Variants in ZNF433 observed in about 807,000 individuals in gnomAD.
The protein encoded by ZNF433 is zinc finger protein 433.
In ZNF433, 12 loss-of-function variants were observed where a neutral mutation model predicts 10.6. The observed-to-expected ratio is 1.13, with a 90% confidence interval of 0.72 to 1.83. The LOEUF (loss-of-function observed/expected upper bound fraction) is 1.83. Ranked by LOEUF, ZNF433 falls within the 40% of genes most tolerant of loss-of-function variation. The probability of loss-of-function intolerance (pLI) is 0.00; values close to 1 mark genes in which losing one functional copy is unlikely to be tolerated. For synonymous variants in ZNF433, 272 were observed against 271.3 expected, an observed-to-expected ratio of 1.00 and a Z score of -0.02; for missense variants, 737 against 798.0, an observed-to-expected ratio of 0.92 and a Z score of 0.92.
At chr19:12,030,116 G>T in intron 1 of ZNF433, 1 of 381,122 alleles carries the variant, frequency 2.6e-6, no homozygotes, top group African/African-American at 2.3e-5. Context: ...ATAGCCATCT[G>T]CAAACCAGGA....
chr19:12,026,386 G>A lies in ZNF433; in HGVS notation c.4-8094C>T, dbSNP rs542999226. The A allele has an allele frequency of 2.3e-5, 7 of 300,792 alleles. No homozygotes were observed. In the Admixed American group the frequency reaches 3.4e-4, roughly 15 times the overall value. The allele number at this position is 300,792 out of a possible 1,614,324, so 18.6% of individuals were successfully genotyped here. ...GACAGATCAAGAAGCTGTCACAGATGGCAGAGAAAAACCTGAGAAAAGCGG... is the reference window on the plus strand; with the variant it reads ...GACAGATCAAGAAGCTGTCACAGATAGCAGAGAAAAACCTGAGAAAAGCGG... On this transcript the variant is annotated intron_variant, in intron 1 of 3. Coordinates refer to ENST00000550507, the MANE Select transcript of ZNF433 (RefSeq NM_001308348.2).
intron 1 of ZNF433, among the ~76,000 whole-genome samples, chr19:12,020,145 T>TGTGTG (rs1260476579): frequency 6.6e-6 from 1 of 151,956 alleles, no homozygotes; most frequent in African/African-American, 2.4e-5. Flanking sequence ...GATGGCACAT[T>TGTGTG]CCTGTAATCC....
chr19:12,018,426 C>T (rs767919041), intron 1 of ZNF433, 134 bp from the exon 2 acceptor site: 2 of 1,027,742 alleles, frequency 1.9e-6, no homozygotes, highest in Non-Finnish European at 2.6e-6. Context: ...ACCTCATACT[C>T]TCTGTCTACA....
At chr19:12,030,133 CTCTT>C (rs1261001263) in intron 1 of ZNF433, 1 of 422,260 alleles carries the variant, frequency 2.4e-6, no homozygotes, top group Admixed American at 2.8e-5. Context: ...AGGAAGCAGG[CTCTT>C]ACCAGGCACC....
At chr19:12,029,746 A>C (rs1974915549) in intron 1 of ZNF433, among the ~76,000 whole-genome samples, 1 of 151,832 alleles carries the variant, frequency 6.6e-6, no homozygotes, top group African/African-American at 2.4e-5. Flanking sequence ...TATGAGACAC[A>C]GGATAGCTTG....
intron 1 of ZNF433, among the ~76,000 whole-genome samples, chr19:12,029,912 T>C (rs904771448): frequency 1.3e-5 from 2 of 151,666 alleles, no homozygotes; most frequent in Non-Finnish European, 2.9e-5. Flanking sequence ...AAACCCTGCC[T>C]CTACTAAAGA....
chr19:12,015,643 G>C lies in ZNF433; in HGVS notation c.1215C>G (p.Ser405=), dbSNP rs763256332. 1.2e-6 allele frequency: 2 copies of C among 1,613,656 alleles called. No homozygotes were observed. Among genetic ancestry groups the C allele is most frequent in the South Asian group, 2.2e-5 (2 of 91,028 alleles). Residue 405 remains serine, a synonymous_variant, in exon 4 of 4, where the codon TCC becomes TCG. Transcript: ENST00000550507. ...QCGKAFNSSS[S]FRYHERTHTG... is the part of the protein sequence containing the mutation. ...TGTGAGTTCTTTCATGATATCGGAAGGAACTGGAAGAATTAAAGGCTTTAC... is the reference window on the plus strand; with the variant it reads ...TGTGAGTTCTTTCATGATATCGGAACGAACTGGAAGAATTAAAGGCTTTAC...
At chr19:12,018,123 T>C (rs1324890962) in intron 2 of ZNF433, 43 bp downstream of exon 2, 18 of 1,517,338 alleles carry the variant, frequency 1.2e-5, no homozygotes, top group African/African-American at 2.8e-5. Flanking sequence ...AAAAAAAAAC[T>C]TGTTGTCTCA....
chr19:12,015,955 G>A lies in ZNF433; in HGVS notation c.903C>T (p.His301=), dbSNP rs756562059. 1 of 1,614,002 alleles carries A rather than the reference G, an allele frequency of 6.2e-7. No homozygotes were observed. The highest frequency in any genetic ancestry group is 8.5e-7 in the Non-Finnish European group (1 of 1,179,924). Residue 301 remains histidine (H), a synonymous_variant, in exon 4 of 4, where the codon CAC becomes CAT. Coordinates refer to ENST00000550507, the MANE Select transcript of ZNF433 (RefSeq NM_001308348.2). ...SHSFQIHERT[H]TGEKPYECKE... ...TACATTCATATGGCTTCTCCCCCGT[G>A]TGAGTTCTTTCATGTATTTGAAAGG... is the stretch of plus-strand genomic sequence containing the variant.
chr19:12,027,496 G>A (rs1974797851), intron 1 of ZNF433, among the ~76,000 whole-genome samples: 1 of 152,212 alleles, frequency 6.6e-6, no homozygotes, highest in Non-Finnish European at 1.5e-5. Flanking sequence ...GCGGAAAACT[G>A]CTTAAAGGTG....
At chr19:12,021,930 C>T in intron 1 of ZNF433, 1 of 456,914 alleles carries the variant, frequency 2.2e-6, no homozygotes, top group Non-Finnish European at 4.4e-6. Flanking sequence ...TAGAGCTTAC[C>T]TCCTGCAGTG....
intron 1 of ZNF433, among the ~76,000 whole-genome samples, chr19:12,031,082 G>A (rs1180697183): frequency 6.6e-6 from 1 of 151,962 alleles, no homozygotes; most frequent in African/African-American, 2.4e-5. Flanking sequence ...CAGATCACGA[G>A]GTCAAGAGAT....
rs1004157324 is a variant in ZNF433 at position 12,014,971 on chromosome 19, GT to G, written c.1886del (p.Asn629ThrfsTer39). 9 of 1,612,812 alleles carry G rather than the reference GT, an allele frequency of 5.6e-6. No individual in the cohort carries two copies. Among genetic ancestry groups the G allele is most frequent in the Non-Finnish European group, 7.6e-6 (9 of 1,179,660 alleles). Reference protein sequence around the residue: ...QCGKAFGCPSNLRRHGRTHTG... With the variant: ...QCGKAFGCPSXLRRHGRTHTG... Reference sequence around the variant, plus strand: ...TGTGAGTCCTTCCATGCCTTCGAAGGTTTGAGGGACATCCAAAAGCTTTCCC... The same window carrying G: ...TGTGAGTCCTTCCATGCCTTCGAAGGTTGAGGGACATCCAAAAGCTTTCCC... On this transcript the variant is annotated frameshift_variant, in exon 4 of 4. Transcript: ENST00000550507. LOFTEE classifies it low-confidence loss of function (END_TRUNC).
At chr19:12,020,869 A>G (rs1599358652) in intron 1 of ZNF433, among the ~76,000 whole-genome samples, 2 of 149,216 alleles carry the variant, frequency 1.3e-5, no homozygotes, top group Non-Finnish European at 3.0e-5. Context: ...GCGCCATTGC[A>G]CTCCAGCCTG....
intron 1 of ZNF433, chr19:12,026,123 T>C (rs955612905): frequency 6.5e-6 from 1 of 153,654 alleles, no homozygotes; most frequent in African/African-American, 2.4e-5. Flanking sequence ...GGTGGAGAGA[T>C]CTGATAACAA....
chr19:12,031,306 AAAAAC>A (rs1568341911), intron 1 of ZNF433, among the ~76,000 whole-genome samples: 6 of 131,192 alleles, frequency 4.6e-5, no homozygotes, highest in Admixed American at 2.1e-4. Flanking sequence ...AAAAAAAAAA[AAAAAC>A]AAAACAAAAA....
At position 12,035,547 on chromosome 19, in the gene ZNF433, C is replaced by T. The variant is rs369618030; in HGVS notation, c.-8G>A. The T allele has an allele frequency of 6.9e-5, 108 of 1,572,450 alleles. No individual in the cohort carries two copies. The highest frequency in any genetic ancestry group is 8.9e-5 in the Non-Finnish European group (103 of 1,159,068). ...GGCCCGCACGCTCACCATTTCTTGCCTTTCAGGTGACTCCCACGACCAGTG... is the reference window on the plus strand; with the variant it reads ...GGCCCGCACGCTCACCATTTCTTGCTTTTCAGGTGACTCCCACGACCAGTG... On this transcript the variant is annotated 5_prime_UTR_variant, in exon 1 of 4. Transcript: ENST00000550507.
At chr19:12,026,091 A>G (rs1469273343) in intron 1 of ZNF433, 1 of 153,130 alleles carries the variant, frequency 6.5e-6, no homozygotes, top group East Asian at 1.9e-4. Flanking sequence ...AGCTGCAAAG[A>G]CAGAAGCAGA....
Position 12,015,792 on chromosome 19 carries a change from T to C in ZNF433, c.1066A>G (p.Met356Val). Residue 356 changes from methionine to valine, a missense_variant, in exon 4 of 4, where the codon ATG (methionine) becomes GTG (valine). Met to Val is a conservative substitution (Grantham distance 21, BLOSUM62 1). Coordinates refer to ENST00000550507, the MANE Select transcript of ZNF433 (RefSeq NM_001308348.2). ...YLTSFQNHLGMHTGEISHKCK... is the reference protein window; with the variant it reads ...YLTSFQNHLGVHTGEISHKCK... ...TTATGAGATATCTCTCCAGTGTGCA[T>C]TCCCAAGTGGTTTTGAAAGCTGGTA... 1.2e-6 allele frequency: 2 copies of C among 1,614,212 alleles called. No individual in the cohort carries two copies. The highest frequency in any genetic ancestry group is 1.1e-5 in the South Asian group (1 of 91,082).
Sources: allele counts gnomAD v4.1 joint callset (sites outside exome capture counted in the v4.1 genomes callset), GRCh38; gene constraint gnomAD v4.1.1; transcripts MANE v1.5; gene names NCBI Gene and HGNC (gene_info 2026-07-23, HGNC 2026-07-21).